The following NCOA2 variants were observed in gnomAD, a reference collection of about 807,000 sequenced individuals.
NCOA2 encodes class E basic helix-loop-helix protein 75.
In NCOA2, 21 loss-of-function variants were observed where a neutral mutation model predicts 145.1. The observed-to-expected ratio is 0.14, with a 90% confidence interval of 0.10 to 0.21. The LOEUF is 0.21. NCOA2 is among the 10% of genes least tolerant of loss of function. NCOA2 has a pLI of 1.00. For synonymous variants in NCOA2, 619 were observed against 637.5 expected (o/e 0.97, Z 0.44); for missense variants, 1,472 against 1,837.6 (o/e 0.80, Z 3.64).
At chr8:70,133,860 C>T (rs576800311) in intron 15 of NCOA2, among the ~76,000 whole-genome samples, 95 of 152,312 alleles carry the variant, frequency 6.2e-4, no homozygotes, top group Middle Eastern at 6.8e-3. Context: ...TTCAAATGTT[C>T]ATAAAGGAAT....
In NCOA2 at chr8:70,242,422, C is replaced by T. The variant is rs758409659; in HGVS notation, c.-19-25658G>A. Among the ~76,000 whole-genome samples, 5 of 152,234 alleles carry T rather than the reference C, an allele frequency of 3.3e-5. No homozygotes were observed. In the South Asian group the frequency reaches 1.0e-3, roughly 32 times the overall value. ...GTGATTACTACAAGCCATAACCCTG[C>T]ATGTTAACTGTGAACCTGGTGAAAA... On this transcript the variant is annotated intron_variant, in intron 2 of 22. Transcript: ENST00000452400.
intron 4 of NCOA2, among the ~76,000 whole-genome samples, chr8:70,204,422 A>G (rs974033824): frequency 1.3e-5 from 2 of 152,218 alleles, no homozygotes; most frequent in Admixed American, 1.3e-4. Flanking sequence ...ACAGTTCACC[A>G]CCACTTGTTT....
intron 12 of NCOA2, among the ~76,000 whole-genome samples, chr8:70,145,331 CT>C (rs1554573297): frequency 1.4e-5 from 2 of 146,844 alleles, no homozygotes. Flanking sequence ...CTAATTTTTT[CT>C]TTTTTTTTTT....
intron 2 of NCOA2, among the ~76,000 whole-genome samples, chr8:70,238,915 A>G (rs1821882210): frequency 6.6e-6 from 1 of 152,236 alleles, no homozygotes; most frequent in South Asian, 2.1e-4. Context: ...CTGTGTCCCC[A>G]TTTCCCTCCA....
chr8:70,257,162 C>T (rs1823703594), intron 2 of NCOA2, among the ~76,000 whole-genome samples: 1 of 152,196 alleles, frequency 6.6e-6, no homozygotes, highest in East Asian at 1.9e-4. Context: ...TTTAAACTCA[C>T]ACCAGTTGAG....
intron 1 of NCOA2, among the ~76,000 whole-genome samples, chr8:70,376,373 A>G (rs1387200072): frequency 4.0e-5 from 6 of 151,758 alleles, no homozygotes; most frequent in East Asian, 3.9e-4. Context: ...ACACACGCAC[A>G]CACACACACA....
At chr8:70,194,274 C>T (rs1252594097) in intron 4 of NCOA2, among the ~76,000 whole-genome samples, 1 of 152,146 alleles carries the variant, frequency 6.6e-6, no homozygotes, top group Non-Finnish European at 1.5e-5. Flanking sequence ...TTCCAGAACA[C>T]AAGTTAAAAC....
At chr8:70,180,248 G>A (rs996145747) in intron 4 of NCOA2, among the ~76,000 whole-genome samples, 1 of 152,066 alleles carries the variant, frequency 6.6e-6, no homozygotes, top group African/African-American at 2.4e-5. Flanking sequence ...TTTTAATAGC[G>A]CCCAGTTTTA....
chr8:70,404,625 C>T (rs1011919387), upstream of NCOA2, among the ~76,000 whole-genome samples: 3 of 152,228 alleles, frequency 2.0e-5, no homozygotes, highest in African/African-American at 4.8e-5. Flanking sequence ...GGGCACCACC[C>T]GGCAATTGCG....
intron 2 of NCOA2, among the ~76,000 whole-genome samples, chr8:70,234,991 C>T (rs1218806848): frequency 6.6e-6 from 1 of 152,128 alleles, no homozygotes; most frequent in African/African-American, 2.4e-5. Flanking sequence ...AAGATGTGAA[C>T]TTTATGTGCG....
the NCOA2 span, among the ~76,000 whole-genome samples, chr8:70,434,175 T>C: frequency 6.6e-6 from 1 of 152,166 alleles, no homozygotes; most frequent in Admixed American, 6.5e-5. Context: ...CCAGGCAGGA[T>C]AAACAGAACC....
At chr8:70,361,681 T>C (rs1049731521) in intron 1 of NCOA2, among the ~76,000 whole-genome samples, 4 of 152,218 alleles carry the variant, frequency 2.6e-5, no homozygotes, top group East Asian at 1.9e-4. Flanking sequence ...TTACAGAACG[T>C]AGAACCAACC....
At chr8:70,323,616 G>T (rs186760072) in intron 1 of NCOA2, among the ~76,000 whole-genome samples, 3 of 151,734 alleles carry the variant, frequency 2.0e-5, no homozygotes, top group Non-Finnish European at 4.4e-5. Flanking sequence ...ATTATTGAAG[G>T]GGGGGAGATT....
At chr8:70,243,288 C>A (rs1822316028) in intron 2 of NCOA2, among the ~76,000 whole-genome samples, 1 of 152,084 alleles carries the variant, frequency 6.6e-6, no homozygotes, top group South Asian at 2.1e-4. Context: ...AAACTACCAT[C>A]CAAATCTGCT....
chr8:70,351,594 CTTTTT>C (rs66475474), intron 1 of NCOA2, among the ~76,000 whole-genome samples: 1 of 134,444 alleles, frequency 7.4e-6, no homozygotes, highest in Non-Finnish European at 1.6e-5. Flanking sequence ...TCTTTTTTTC[CTTTTT>C]TTTTTTTTTT....
intron 16 of NCOA2, among the ~76,000 whole-genome samples, chr8:70,131,025 T>C (rs1204280002): frequency 6.6e-6 from 1 of 152,206 alleles, no homozygotes; most frequent in African/African-American, 2.4e-5. Context: ...AACTAATTAC[T>C]TGGAAGAAGA....
At chr8:70,283,726 C>T (rs1826044562) in intron 2 of NCOA2, among the ~76,000 whole-genome samples, 1 of 152,086 alleles carries the variant, frequency 6.6e-6, no homozygotes, top group African/African-American at 2.4e-5. Flanking sequence ...TGCTTGAGAC[C>T]AGAAGTATTT....
At chr8:70,338,139 C>T (rs1243446191) in intron 1 of NCOA2, among the ~76,000 whole-genome samples, 7 of 151,248 alleles carry the variant, frequency 4.6e-5, no homozygotes, top group Admixed American at 1.3e-4. Flanking sequence ...AAAAAAAAAT[C>T]AACCAATCCA....
chr8:70,411,872 G>A, the NCOA2 span, among the ~76,000 whole-genome samples: 1 of 152,190 alleles, frequency 6.6e-6, no homozygotes, highest in African/African-American at 2.4e-5. Context: ...TGGGGATTCT[G>A]AGAATATTCT....
Sources: gnomAD v4.1 joint callset for allele counts (sites outside exome capture counted in the v4.1 genomes callset) on GRCh38, gnomAD v4.1.1 for gene constraint, MANE v1.5 for transcripts, NCBI Gene and HGNC (gene_info 2026-07-23, HGNC 2026-07-21) for gene names.